The following SLC25A36 variants were observed in gnomAD, a reference collection of about 807,000 sequenced individuals.
SLC25A36 encodes epididymis secretory sperm binding protein.
SLC25A36 carries 24 observed loss-of-function variants against 35.3 expected under a neutral mutation model. That is an observed-to-expected ratio of 0.68 (90% CI 0.49 to 0.96). The LOEUF (loss-of-function observed/expected upper bound fraction) is 0.96, where lower values mean the gene tolerates loss of function less well. SLC25A36 is among the 40% of genes least tolerant of loss of function. The pLI is 0.00. For synonymous variants in SLC25A36, 141 were observed against 132.2 expected, an observed-to-expected ratio of 1.07 and a Z score of -0.46; for missense variants, 294 against 381.1, an observed-to-expected ratio of 0.77 and a Z score of 1.90.
At chr3:140,958,366 GGC>G (rs1286203904) in intron 2 of SLC25A36, among the ~76,000 whole-genome samples, 1 of 151,978 alleles carries the variant, frequency 6.6e-6, no homozygotes, top group Non-Finnish European at 1.5e-5. Context: ...TTCTCTGCTG[GGC>G]ATATATGTAT....
At chr3:140,962,844 TTACCA>T (rs2107801912) in intron 3 of SLC25A36, among the ~76,000 whole-genome samples, 1 of 152,152 alleles carries the variant, frequency 6.6e-6, no homozygotes, top group Non-Finnish European at 1.5e-5. Flanking sequence ...ATCTTCTTGG[TTACCA>T]AGTTTTAGTG....
intron 3 of SLC25A36, among the ~76,000 whole-genome samples, chr3:140,962,479 A>T (rs1934654750): frequency 6.6e-6 from 1 of 152,222 alleles, no homozygotes; most frequent in Non-Finnish European, 1.5e-5. Flanking sequence ...ATTGGAAAAC[A>T]TTCTGACCTG....
intron 2 of SLC25A36, among the ~76,000 whole-genome samples, chr3:140,958,096 A>C (rs1164027072): frequency 6.6e-6 from 1 of 152,138 alleles, no homozygotes; most frequent in African/African-American, 2.4e-5. Flanking sequence ...TCAGGGTCGT[A>C]GGGTTATCCA....
intron 3 of SLC25A36, among the ~76,000 whole-genome samples, chr3:140,960,919 C>CAGAT (rs754164425): frequency 3.1e-4 from 47 of 152,170 alleles, no homozygotes; most frequent in Non-Finnish European, 2.2e-4. Flanking sequence ...ACAAACCAAA[C>CAGAT]AGATAGAATG....
intron 4 of SLC25A36, chr3:140,968,224 G>T: frequency 1.3e-5 from 12 of 952,590 alleles, no homozygotes; most frequent in Non-Finnish European, 1.5e-5. Context: ...TCTTTGGTTA[G>T]GAGAAAGTAA....
intron 3 of SLC25A36, among the ~76,000 whole-genome samples, chr3:140,962,048 A>AT (rs992662274): frequency 6.6e-6 from 1 of 151,960 alleles, no homozygotes; most frequent in Non-Finnish European, 1.5e-5. Flanking sequence ...TGTCATTTGT[A>AT]TATCTCTCCT....
At chr3:140,961,063 C>CT (rs756871068) in intron 3 of SLC25A36, among the ~76,000 whole-genome samples, 1 of 152,164 alleles carries the variant, frequency 6.6e-6, no homozygotes, top group Non-Finnish European at 1.5e-5. Context: ...AGTGAAAATG[C>CT]TTTCTGTATC....
At chr3:140,956,877 A>G in intron 2 of SLC25A36, 186 bp downstream of exon 2, 1 of 1,021,310 alleles carries the variant, frequency 9.8e-7, no homozygotes, top group Non-Finnish European at 1.3e-6. Context: ...CAGATAAGAT[A>G]AAGTGTAATT....
At chr3:140,943,682 A>G (rs1339400204) in intron 1 of SLC25A36, among the ~76,000 whole-genome samples, 3 of 151,314 alleles carry the variant, frequency 2.0e-5, no homozygotes, top group Non-Finnish European at 2.9e-5. Flanking sequence ...TGCTTCATCT[A>G]TAAAATTAGG....
intron 1 of SLC25A36, among the ~76,000 whole-genome samples, chr3:140,946,971 A>T (rs1166260268): frequency 6.6e-6 from 1 of 152,162 alleles, no homozygotes; most frequent in African/African-American, 2.4e-5. Flanking sequence ...ACCACGAGCT[A>T]CCTACCCTCT....
intron 4 of SLC25A36, chr3:140,965,124 A>T (rs202221453): frequency 1.3e-5 from 2 of 151,768 alleles, no homozygotes; most frequent in East Asian, 3.8e-4. Flanking sequence ...GTGCTCTCAG[A>T]GCTTCTGTGC....
At position 140,970,966 on chromosome 3, in the gene SLC25A36, TA is replaced by T; in HGVS notation, c.428del (p.Lys143ArgfsTer31). On this transcript the variant is annotated frameshift_variant, in exon 5 of 7. Coordinates refer to ENST00000324194, the MANE Select transcript of SLC25A36 (RefSeq NM_001104647.3). LOFTEE classifies it high-confidence loss of function. ...AITATNPIWL[I>X]KTRLQLDARN... Reference sequence around the variant, plus strand: ...ACAGCAACCAACCCCATTTGGCTTATAAAGACTCGGTTACAGCTTGATGCAA... The same window carrying T: ...ACAGCAACCAACCCCATTTGGCTTATAAGACTCGGTTACAGCTTGATGCAA... The T allele has an allele frequency of 6.5e-7, 1 of 1,527,386 alleles. No individual in the cohort carries two copies. The highest frequency in any genetic ancestry group is 9.1e-7 in the Non-Finnish European group (1 of 1,102,216). The allele number at this position is 1,527,386 out of a possible 1,614,324, so 94.6% of individuals were successfully genotyped here.
chr3:140,941,953 CG>C lies in SLC25A36; in HGVS notation c.-98del. On this transcript the variant is annotated 5_prime_UTR_variant, in exon 1 of 7. Coordinates refer to ENST00000324194, the MANE Select transcript of SLC25A36 (RefSeq NM_001104647.3). ...CTCGGCCAGCTCTCCTCGCCGTCCC[CG>C]GGGCGCTGTGCGTCTCCAGTCCGGG... is the stretch of plus-strand genomic sequence containing the variant. The C allele has an allele frequency of 3.1e-6, 2 of 652,056 alleles. No individual in the cohort carries two copies. Among genetic ancestry groups the C allele is most frequent in the African/African-American group, 1.9e-5 (1 of 51,956 alleles). 40.4% of individuals were successfully genotyped at this position (652,056 alleles called of 1,614,324 possible).
chr3:140,956,824 A>G (rs112030057), intron 2 of SLC25A36, 133 bp downstream of exon 2: 4 of 1,352,776 alleles, frequency 3.0e-6, no homozygotes, highest in Non-Finnish European at 3.8e-6. Context: ...TCTGAATTGT[A>G]CTCATAAGGA....
intron 1 of SLC25A36, chr3:140,942,440 G>C (rs1435069152): frequency 3.0e-5 from 6 of 202,060 alleles, no homozygotes; most frequent in African/African-American, 1.4e-4. Context: ...AGGAGACGCG[G>C]GCAAGAGCTG....
chr3:140,975,153 G>C (rs971816726), intron 6 of SLC25A36, among the ~76,000 whole-genome samples: 1 of 115,924 alleles, frequency 8.6e-6, no homozygotes, highest in Non-Finnish European at 1.7e-5. Context: ...TGTCACCCAG[G>C]CTTGAGTGCA....
At chr3:140,965,858 T>C (rs1934744869) in intron 4 of SLC25A36, 1 of 151,872 alleles carries the variant, frequency 6.6e-6, no homozygotes, top group Non-Finnish European at 1.5e-5. Flanking sequence ...TATATTTTGT[T>C]TAAATTAACT....
intron 6 of SLC25A36, among the ~76,000 whole-genome samples, chr3:140,975,677 C>T (rs560192601): frequency 1.6e-4 from 25 of 152,302 alleles, no homozygotes; most frequent in Admixed American, 1.2e-3. Context: ...ATTGGACTGA[C>T]TAATCTTTAA....
At chr3:140,971,281 GC>G (rs1046149756) in intron 5 of SLC25A36, among the ~76,000 whole-genome samples, 28 of 152,214 alleles carry the variant, frequency 1.8e-4, no homozygotes, top group Non-Finnish European at 2.5e-4. Flanking sequence ...GATTAACCCA[GC>G]CCAAAAGGTA....
Sources: gnomAD v4.1 joint callset for allele counts (sites outside exome capture counted in the v4.1 genomes callset) on GRCh38, gnomAD v4.1.1 for gene constraint, MANE v1.5 for transcripts, NCBI Gene and HGNC (gene_info 2026-07-23, HGNC 2026-07-21) for gene names.